Variants in TXNL4A observed in about 807,000 individuals in gnomAD.
TXNL4A encodes thioredoxin-like protein 4A.
TXNL4A carries 17 observed loss-of-function variants against 14.6 expected under a neutral mutation model. The ratio of observed to expected loss-of-function variants is 1.16; its 90% CI spans 0.80 to 1.74. The LOEUF (loss-of-function observed/expected upper bound fraction) is 1.74, where lower values mean the gene tolerates loss of function less well. Ranked by LOEUF, TXNL4A falls within the 40% of genes most tolerant of loss-of-function variation. The pLI, the probability that TXNL4A is intolerant of heterozygous loss-of-function variation, is 0.00. For synonymous variants in TXNL4A, 83 were observed against 70.6 expected (o/e 1.18, Z -0.88); for missense variants, 74 against 195.2 (o/e 0.38, Z 3.70).
rs374361752 is a variant in TXNL4A, at chr18:79,981,538, G to A, written c.154-3837C>T. Among the ~76,000 whole-genome samples, 20 of 152,254 alleles carry A rather than the reference G, an allele frequency of 1.3e-4. No individual in the cohort carries two copies. In the South Asian group the frequency reaches 3.9e-3, roughly 30 times the overall value. On this transcript the variant is annotated intron_variant, in intron 1 of 2. Coordinates refer to ENST00000269601, the MANE Select transcript of TXNL4A (RefSeq NM_006701.5). ...AACACAAAAATTAGCTGGGTGTGGC[G>A]GTGCACGCCTGTAATCCCAGCTACT...
chr18:79,982,915 C>T lies in TXNL4A; in HGVS notation c.154-5214G>A, dbSNP rs762339068. 2.6e-5 allele frequency among the ~76,000 whole-genome samples: 4 copies of T among 152,156 alleles called. No individual in the cohort carries two copies. Among genetic ancestry groups the T allele is most frequent in the African/African-American group, 4.8e-5 (2 of 41,428 alleles). On this transcript the variant is annotated intron_variant, in intron 1 of 2. Transcript: ENST00000269601. This position sits in a 1 kb window ranked among gnomAD's most constrained non-coding sequence, Gnocchi z 4.0. ...GCATCTGCTGGTGGCGACATTTCCA[C>T]GGTAACCAAGCGCTTGGAGGAGGAG...
In TXNL4A at chr18:79,988,533, T is replaced by A. The variant is rs1440075885; in HGVS notation, c.-141A>T. 2 of 910,220 alleles carry A rather than the reference T, an allele frequency of 2.2e-6. No individual in the cohort carries two copies. The highest frequency in any genetic ancestry group is 3.6e-5 in the East Asian group (1 of 28,002). The allele number at this position is 910,220 out of a possible 1,614,324, so 56.4% of individuals were successfully genotyped here. ...TCCGGTCCCGCCCGCACACGCAAAC[T>A]CCGCTGGGACTGCCACCCGGCAGAA... On this transcript the variant is annotated 5_prime_UTR_variant, in exon 1 of 3. Coordinates refer to ENST00000269601, the MANE Select transcript of TXNL4A (RefSeq NM_006701.5).
intron 1 of TXNL4A, among the ~76,000 whole-genome samples, chr18:79,986,295 A>G (rs1446473451): frequency 6.6e-6 from 1 of 152,210 alleles, no homozygotes; most frequent in Non-Finnish European, 1.5e-5. Flanking sequence ...CTGGCCTCCC[A>G]AAGTGCTGGG....
rs561596360 is a variant in TXNL4A, at chr18:79,988,375, C to T, written c.18G>A (p.Pro6=). ...CCACCTGCCAGCCGTTGTGCAGGTG[C>T]GGGAGCATGTACGACATGGCGGCCC... MSYML[P]HLHNGWQVDQ... The change falls in exon 1 of 3, where the codon CCG becomes CCA. Residue 6 remains proline (P), a synonymous_variant. Coordinates refer to ENST00000269601, the MANE Select transcript of TXNL4A (RefSeq NM_006701.5). The T allele has an allele frequency of 2.6e-6, 4 of 1,530,344 alleles. No individual in the cohort carries two copies. Among genetic ancestry groups the T allele is most frequent in the South Asian group, 1.2e-5 (1 of 82,642 alleles). The allele number at this position is 1,530,344 out of a possible 1,614,324, so 94.8% of individuals were successfully genotyped here.
chr18:80,005,501 A>G (rs1036168268), intron 1 of TXNL4A, among the ~76,000 whole-genome samples: 2 of 152,268 alleles, frequency 1.3e-5, no homozygotes, highest in African/African-American at 2.4e-5. Context: ...GGAATAAAAT[A>G]ATAATATACA....
chr18:80,010,916 G>A (rs910541188), intron 1 of TXNL4A, among the ~76,000 whole-genome samples: 11 of 151,836 alleles, frequency 7.2e-5, no homozygotes, highest in African/African-American at 1.5e-4. Context: ...CAGTCCCCCC[G>A]TGGAGTAGAG....
intron 1 of TXNL4A, among the ~76,000 whole-genome samples, chr18:80,003,040 T>A (rs950998392): frequency 6.6e-6 from 1 of 152,236 alleles, no homozygotes; most frequent in Non-Finnish European, 1.5e-5. Flanking sequence ...GTCCAGTTGG[T>A]CACCCTTGAG....
chr18:80,008,925 G>A (rs578182849), intron 1 of TXNL4A, among the ~76,000 whole-genome samples: 8 of 152,290 alleles, frequency 5.3e-5, no homozygotes, highest in South Asian at 2.1e-4. Context: ...TTACAGGCGT[G>A]AGCCACCACG....
chr18:79,978,151 T>C (rs1290339461), intron 1 of TXNL4A, among the ~76,000 whole-genome samples: 1 of 152,122 alleles, frequency 6.6e-6, no homozygotes, highest in Non-Finnish European at 1.5e-5. Flanking sequence ...TCTCCCAGAA[T>C]CGCCCAGGAA....
intron 1 of TXNL4A, among the ~76,000 whole-genome samples, chr18:80,007,903 T>C (rs1439279132): frequency 1.3e-5 from 2 of 152,110 alleles, no homozygotes; most frequent in Non-Finnish European, 2.9e-5. Flanking sequence ...GGTAAGAAGA[T>C]TTGTCTCTGG....
intron 1 of TXNL4A, among the ~76,000 whole-genome samples, chr18:79,978,837 T>C (rs1339612905): frequency 2.6e-5 from 4 of 151,698 alleles, no homozygotes; most frequent in Non-Finnish European, 5.9e-5. Context: ...GATATATATT[T>C]TTTAATTTGT....
At chr18:79,974,279 T>C (rs554427472) in intron 2 of TXNL4A, among the ~76,000 whole-genome samples, 2 of 152,336 alleles carry the variant, frequency 1.3e-5, no homozygotes, top group East Asian at 3.9e-4. Context: ...AAAAGCAATG[T>C]GTAAGTTTTT....
At chr18:80,026,314 T>C (rs2051884161) in intron 1 of TXNL4A, among the ~76,000 whole-genome samples, 2 of 152,226 alleles carry the variant, frequency 1.3e-5, no homozygotes, top group Admixed American at 6.5e-5. Context: ...TTAAGTTCTC[T>C]AGGTCTGAGA....
chr18:80,012,042 A>G (rs1419249886), intron 1 of TXNL4A, among the ~76,000 whole-genome samples: 1 of 152,094 alleles, frequency 6.6e-6, no homozygotes, highest in Non-Finnish European at 1.5e-5. Context: ...GGAGCTAAAG[A>G]GCTCTGGACG....
intron 2 of TXNL4A, 61 bp from the exon 3 acceptor site, chr18:79,973,917 A>G (rs987412564): frequency 7.0e-5 from 110 of 1,582,540 alleles, no homozygotes; most frequent in Non-Finnish European, 8.2e-5. Context: ...GAATTCCTTG[A>G]AAACAATGCC....
intron 1 of TXNL4A, among the ~76,000 whole-genome samples, chr18:79,983,663 C>A (rs914435746): frequency 6.6e-6 from 1 of 152,170 alleles, no homozygotes; most frequent in African/African-American, 2.4e-5. Context: ...ATAAAAAAAA[C>A]TGAAAAACTT....
intron 1 of TXNL4A, among the ~76,000 whole-genome samples, chr18:80,007,909 T>C (rs1449262734): frequency 1.3e-5 from 2 of 152,124 alleles, no homozygotes; most frequent in East Asian, 3.9e-4. Context: ...AAGATTTGTC[T>C]CTGGGGCCTG....
chr18:79,999,794 T>A (rs890070475), intron 1 of TXNL4A, among the ~76,000 whole-genome samples: 12 of 152,132 alleles, frequency 7.9e-5, no homozygotes, highest in East Asian at 1.9e-4. Context: ...AATTCTCACA[T>A]GTTGTGGGAG....
At chr18:79,983,736 TGA>T (rs1240240246) in intron 1 of TXNL4A, among the ~76,000 whole-genome samples, 1 of 152,242 alleles carries the variant, frequency 6.6e-6, no homozygotes, top group Non-Finnish European at 1.5e-5. Flanking sequence ...CTTAGTAATG[TGA>T]GAGAAGTAAT....
Sources: allele counts gnomAD v4.1 joint callset (sites outside exome capture counted in the v4.1 genomes callset), GRCh38; gene constraint gnomAD v4.1.1; non-coding constraint Gnocchi (gnomAD v3.1); transcripts MANE v1.5; gene names NCBI Gene and HGNC (gene_info 2026-07-23, HGNC 2026-07-21).